Variants in GRID2 observed in about 807,000 individuals in gnomAD.
GRID2 encodes glutamate receptor ionotropic, delta-2.
GRID2 carries 33 observed loss-of-function variants against 114.8 expected under a neutral mutation model. The observed-to-expected ratio is 0.29, with a 90% CI of 0.22 to 0.38. GRID2 has a LOEUF of 0.38. Among genes scored for constraint, GRID2 ranks in the 10% least tolerant of loss-of-function variants. The pLI, the probability that GRID2 is intolerant of heterozygous loss-of-function variation, is 1.00. For synonymous variants in GRID2, 505 were observed against 449.9 expected (o/e 1.12, Z -1.55); for missense variants, 1,184 against 1,257.7 (o/e 0.94, Z 0.89).
At chr4:93,768,764 C>A (rs1251764121) in intron 14 of GRID2, among the ~76,000 whole-genome samples, 1 of 152,164 alleles carries the variant, frequency 6.6e-6, no homozygotes, top group Non-Finnish European at 1.5e-5. Flanking sequence ...CTCTAAGCAG[C>A]AAAACGTTCT....
chr4:92,598,395 C>T (rs1349160391), intron 2 of GRID2, among the ~76,000 whole-genome samples: 1 of 152,040 alleles, frequency 6.6e-6, no homozygotes, highest in Non-Finnish European at 1.5e-5. Context: ...TTTGCCCTCC[C>T]ATTATAGTAC....
At chr4:93,032,228 A>C (rs996370974) in intron 2 of GRID2, among the ~76,000 whole-genome samples, 2 of 152,156 alleles carry the variant, frequency 1.3e-5, no homozygotes, top group African/African-American at 4.8e-5. Context: ...TTATATTTCA[A>C]ACATGAAAAT....
At chr4:93,115,406 C>CACACACACACACACACAG (rs1186618102) in intron 4 of GRID2, among the ~76,000 whole-genome samples, 11 of 151,670 alleles carry the variant, frequency 7.3e-5, no homozygotes, top group African/African-American at 2.7e-4. Flanking sequence ...TATACAGACA[C>CACACACACACACACACAG]ACACACACAC....
intron 13 of GRID2, among the ~76,000 whole-genome samples, chr4:93,527,322 A>G (rs2149508681): frequency 6.6e-6 from 1 of 152,322 alleles, no homozygotes; most frequent in Admixed American, 6.5e-5. Context: ...ATGTCTTGCA[A>G]AATCCTTTAG....
At chr4:92,492,588 T>C (rs1222547078) in intron 1 of GRID2, among the ~76,000 whole-genome samples, 1 of 152,146 alleles carries the variant, frequency 6.6e-6, no homozygotes, top group Non-Finnish European at 1.5e-5. Context: ...AAAGCCTTTA[T>C]GTAGTTTCAG....
At chr4:92,961,771 A>T (rs1372436920) in intron 2 of GRID2, among the ~76,000 whole-genome samples, 1 of 148,692 alleles carries the variant, frequency 6.7e-6, no homozygotes, top group African/African-American at 2.5e-5. Flanking sequence ...CTTTTTTTTT[A>T]ATTCTTCTTC....
At chr4:93,069,269 A>G (rs1728596177) in intron 2 of GRID2, among the ~76,000 whole-genome samples, 1 of 151,562 alleles carries the variant, frequency 6.6e-6, no homozygotes, top group East Asian at 1.9e-4. Context: ...GTGTGTGTGT[A>G]TAATATATAT....
At chr4:93,627,966 G>A (rs1458751979) in intron 14 of GRID2, among the ~76,000 whole-genome samples, 2 of 152,238 alleles carry the variant, frequency 1.3e-5, no homozygotes, top group East Asian at 3.9e-4. Context: ...TTGAGGCCAG[G>A]AGTTTGAGAC....
chr4:92,707,785 A>G lies in GRID2; in HGVS notation c.244+117499A>G, dbSNP rs559845686. Reference sequence around the variant, plus strand: ...ATAACAGCAAGAAAACTTTTCTCAGATGGTTCTGTGTTTGAAGGAAGTTCG... The same window carrying G: ...ATAACAGCAAGAAAACTTTTCTCAGGTGGTTCTGTGTTTGAAGGAAGTTCG... On this transcript the variant is annotated intron_variant, in intron 2 of 15. Coordinates refer to ENST00000282020, the MANE Select transcript of GRID2 (RefSeq NM_001510.4). 4.6e-5 allele frequency among the ~76,000 whole-genome samples: 7 copies of G among 152,350 alleles called. No individual in the cohort carries two copies. In the South Asian group the frequency reaches 1.4e-3, roughly 32 times the overall value.
chr4:93,196,946 A>G (rs149469287), intron 4 of GRID2, among the ~76,000 whole-genome samples: 1 of 152,120 alleles, frequency 6.6e-6, no homozygotes, highest in Non-Finnish European at 1.5e-5. Flanking sequence ...TGAAATGTTT[A>G]ATCAGTTAAC....
Position 93,183,676 on chromosome 4 carries a change from A to G in GRID2, c.736-23728A>G, listed in dbSNP as rs530676574. Among the ~76,000 whole-genome samples the G allele has an allele frequency of 7.0e-4, 106 of 152,340 alleles. 1 individual carries two copies. Among genetic ancestry groups the G allele is most frequent in the Admixed American group, 1.2e-3 (19 of 15,302 alleles). ...TAATGTGGCCTGGAATTAAAAGTAAAGAAAAGGAAAAGGGCCACACATTTT... is the reference window on the plus strand; with the variant it reads ...TAATGTGGCCTGGAATTAAAAGTAAGGAAAAGGAAAAGGGCCACACATTTT... On this transcript the variant is annotated intron_variant, in intron 4 of 15. Coordinates refer to ENST00000282020, the MANE Select transcript of GRID2 (RefSeq NM_001510.4).
chr4:93,545,396 A>G (rs1733112165), intron 13 of GRID2, among the ~76,000 whole-genome samples: 1 of 152,308 alleles, frequency 6.6e-6, no homozygotes, highest in South Asian at 2.1e-4. Context: ...AGAGAGACCA[A>G]CAAGTTCAAG....
intron 2 of GRID2, among the ~76,000 whole-genome samples, chr4:92,838,621 C>A (rs1459611911): frequency 6.6e-6 from 1 of 152,010 alleles, no homozygotes; most frequent in Non-Finnish European, 1.5e-5. Context: ...ATGTACATTT[C>A]TATTATCAAA....
At chr4:93,175,779 A>C (rs1739296918) in intron 4 of GRID2, among the ~76,000 whole-genome samples, 1 of 152,162 alleles carries the variant, frequency 6.6e-6, no homozygotes, top group East Asian at 1.9e-4. Context: ...TTTTGAAAAA[A>C]ATATTATATA....
chr4:93,431,839 T>A (rs1297472495), intron 10 of GRID2, among the ~76,000 whole-genome samples: 4 of 152,094 alleles, frequency 2.6e-5, no homozygotes, highest in Non-Finnish European at 5.9e-5. Context: ...ATGTGAAGGA[T>A]AAATATCCTG....
intron 4 of GRID2, among the ~76,000 whole-genome samples, chr4:93,123,364 A>G (rs1384420367): frequency 3.9e-5 from 6 of 152,232 alleles, no homozygotes; most frequent in Non-Finnish European, 8.8e-5. Flanking sequence ...ATTTGTGACA[A>G]TTGTACCATT....
intron 2 of GRID2, among the ~76,000 whole-genome samples, chr4:92,622,318 A>G (rs2149239369): frequency 6.6e-6 from 1 of 151,854 alleles, no homozygotes; most frequent in East Asian, 1.9e-4. Context: ...ATGGTTAGGC[A>G]TTATTTTCTG....
chr4:92,354,448 C>T (rs1728220797), intron 1 of GRID2, among the ~76,000 whole-genome samples: 1 of 151,896 alleles, frequency 6.6e-6, no homozygotes, highest in African/African-American at 2.4e-5. Context: ...GAAATGGTAT[C>T]TTATTTTTTT....
At chr4:92,822,123 T>G (rs1402340458) in intron 2 of GRID2, 2 of 333,698 alleles carry the variant, frequency 6.0e-6, no homozygotes, top group Non-Finnish European at 1.2e-5. Flanking sequence ...TTGCTTAATT[T>G]CTATGGTGGT....
Sources: gnomAD v4.1 joint callset for allele counts (sites outside exome capture counted in the v4.1 genomes callset) on GRCh38, gnomAD v4.1.1 for gene constraint, MANE v1.5 for transcripts, NCBI Gene and HGNC (gene_info 2026-07-23, HGNC 2026-07-21) for gene names.